The following SUCNR1 variants were observed in gnomAD, a reference collection of about 807,000 sequenced individuals.
SUCNR1 encodes succinate receptor 1, also known as G-protein coupled receptor 91.
SUCNR1 carries 5 observed loss-of-function variants against 2.4 expected under a neutral mutation model. That is an observed-to-expected ratio of 2.07 (90% CI 1.08 to 4.36). The LOEUF is 4.36. SUCNR1 is among the 30% of genes most tolerant of loss of function. The probability of loss-of-function intolerance (pLI) is 0.00; values close to 1 mark genes in which losing one functional copy is unlikely to be tolerated. For missense variants in SUCNR1, 373 were observed against 399.2 expected, an observed-to-expected ratio of 0.93 and a Z score of 0.56; for synonymous variants, 162 against 143.9, an observed-to-expected ratio of 1.13 and a Z score of -0.90.
chr3:151,882,187 G>A lies in SUCNR1; in HGVS notation c.*639G>A, dbSNP rs1221376553. The A allele has an allele frequency of 6.6e-6, 1 of 152,030 alleles. No homozygotes were observed. The highest frequency in any genetic ancestry group is 6.6e-5 in the Admixed American group (1 of 15,258). 9.4% of individuals were successfully genotyped at this position (152,030 alleles called of 1,614,324 possible). ...AACCTGAAGAGATAATTCAACAAAA[G>A]TAGAGAATATGTTTGAGCTTGTCAG... is the stretch of plus-strand genomic sequence containing the variant. On this transcript the variant is annotated 3_prime_UTR_variant, in exon 3 of 3. Coordinates refer to ENST00000362032, the MANE Select transcript of SUCNR1 (RefSeq NM_033050.6).
At chr3:151,877,684 G>C (rs896757667) in intron 1 of SUCNR1, among the ~76,000 whole-genome samples, 2 of 152,260 alleles carry the variant, frequency 1.3e-5, no homozygotes, top group African/African-American at 4.8e-5. Flanking sequence ...TATGCTGCAG[G>C]CTTGGTAAGG....
intron 1 of SUCNR1, among the ~76,000 whole-genome samples, chr3:151,879,554 T>A (rs1299263311): frequency 6.6e-6 from 1 of 152,198 alleles, no homozygotes; most frequent in Non-Finnish European, 1.5e-5. Context: ...AGACACCAAA[T>A]CTGCTGATAC....
rs1281755726 is a variant in SUCNR1, at chr3:151,883,155, A to G, written c.*1607A>G. On this transcript the variant is annotated 3_prime_UTR_variant, in exon 3 of 3. Coordinates refer to ENST00000362032, the MANE Select transcript of SUCNR1 (RefSeq NM_033050.6). ...ACCAGGCTTTAAGATATTTTCTGCC[A>G]TGCCTTGCCTTTAGTATCAATATTT... The G allele has an allele frequency of 2.0e-5, 3 of 152,006 alleles. No individual in the cohort carries two copies. The highest frequency in any genetic ancestry group is 4.4e-5 in the Non-Finnish European group (3 of 67,896). The allele number at this position is 152,006 out of a possible 1,614,324, so 9.4% of individuals were successfully genotyped here. A position where few individuals can be genotyped will look rare whatever the true frequency, so the allele number is the denominator to read the frequency against.
Position 151,880,940 on chromosome 3 carries a change from C to T in SUCNR1, c.397C>T (p.Leu133=), listed in dbSNP as rs1278467438. ...TAAGTATCCTTTCCGAGAACACCTT[C>T]TGCAAAAGAAAGAGTTTGCTATTTT... ...IIKYPFREHL[L]QKKEFAILIS... Residue 133 remains leucine (L), a synonymous_variant, in exon 3 of 3, where the codon CTG becomes TTG. Coordinates refer to ENST00000362032, the MANE Select transcript of SUCNR1 (RefSeq NM_033050.6). 3.1e-6 allele frequency: 5 copies of T among 1,613,906 alleles called. No homozygotes were observed. The highest frequency in any genetic ancestry group is 4.2e-6 in the Non-Finnish European group (5 of 1,180,004).
chr3:151,881,934 T>G lies in SUCNR1; in HGVS notation c.*386T>G, dbSNP rs73018440. The G allele has an allele frequency of 0.047, 7,569 of 162,036 alleles. 496 individuals are homozygous for G. The highest frequency in any genetic ancestry group is 0.15 in the African/African-American group (6,169 of 41,674). The allele number at this position is 162,036 out of a possible 1,614,324, so 10.0% of individuals were successfully genotyped here. Reference sequence around the variant, plus strand: ...ATTCACATGATCCTAGAACTTTATGTGAGAACTGAATAGCAGAAGATATAT... The same window carrying G: ...ATTCACATGATCCTAGAACTTTATGGGAGAACTGAATAGCAGAAGATATAT... On this transcript the variant is annotated 3_prime_UTR_variant, in exon 3 of 3. Transcript: ENST00000362032.
chr3:151,880,725 A>C lies in SUCNR1; in HGVS notation c.182A>C (p.Tyr61Ser), dbSNP rs757534883. ...AAGAACTGGAACAGCAGTAATATTTATCTCTTTAACCTCTCTGTCTCTGAC... is the reference window on the plus strand; with the variant it reads ...AAGAACTGGAACAGCAGTAATATTTCTCTCTTTAACCTCTCTGTCTCTGAC... ...SLKNWNSSNI[Y>S]LFNLSVSDLA... Residue 61 changes from tyrosine to serine, a missense_variant, in exon 3 of 3, where the codon TAT (tyrosine) becomes TCT (serine). By Grantham distance (144) the Tyr-to-Ser change is moderately radical. Coordinates refer to ENST00000362032, the MANE Select transcript of SUCNR1 (RefSeq NM_033050.6). 9.3e-6 allele frequency: 15 copies of C among 1,613,978 alleles called. No individual in the cohort carries two copies. In the South Asian group the frequency reaches 1.6e-4, roughly 18 times the overall value.
Position 151,882,133 on chromosome 3 carries a change from G to A in SUCNR1, c.*585G>A, listed in dbSNP as rs1479739165. 6.6e-6 allele frequency: 1 copy of A among 152,088 alleles called. No individual in the cohort carries two copies. Among genetic ancestry groups the A allele is most frequent in the Non-Finnish European group, 1.5e-5 (1 of 68,014 alleles). The allele number at this position is 152,088 out of a possible 1,614,324, so 9.4% of individuals were successfully genotyped here. ...AACCTTTTTGTTGTATGGGTTTATA[G>A]TGGAAAGAATCTTAATTTAAATAAA... On this transcript the variant is annotated 3_prime_UTR_variant, in exon 3 of 3. Transcript: ENST00000362032.
chr3:151,877,031 C>T (rs1298945525), intron 1 of SUCNR1, among the ~76,000 whole-genome samples: 1 of 152,066 alleles, frequency 6.6e-6, no homozygotes, highest in Non-Finnish European at 1.5e-5. Flanking sequence ...GTCAGACAGC[C>T]TACCTTGGGA....
chr3:151,881,491 C>T lies in SUCNR1; in HGVS notation c.948C>T (p.Ser316=), dbSNP rs1400625702. 6.2e-7 allele frequency: 1 copy of T among 1,613,522 alleles called. No individual in the cohort carries two copies. The highest frequency in any genetic ancestry group is 1.7e-5 in the Admixed American group (1 of 59,952). Residue 316 remains serine, a synonymous_variant, in exon 3 of 3, where the codon TCC becomes TCT. Coordinates refer to ENST00000362032, the MANE Select transcript of SUCNR1 (RefSeq NM_033050.6). ...LMNQLRHNFK[S]LTSFSRWAHE... Reference sequence around the variant, plus strand: ...ATCAACTGAGACACAACTTCAAATCCCTTACATCCTTTAGCAGATGGGCTC... The same window carrying T: ...ATCAACTGAGACACAACTTCAAATCTCTTACATCCTTTAGCAGATGGGCTC...
In SUCNR1 at chr3:151,883,494, ATATATATATATG is replaced by A. The variant is rs202143797; in HGVS notation, c.*1949_*1960del. ...TATATATATATATATATATATATAT[ATATATATATATG>A]TACCTTGTAAACAAGAGGTTAAGAA... On this transcript the variant is annotated 3_prime_UTR_variant, in exon 3 of 3. Coordinates refer to ENST00000362032, the MANE Select transcript of SUCNR1 (RefSeq NM_033050.6). 0.018 allele frequency: 2,365 copies of A among 128,294 alleles called. 69 individuals carry two copies. The highest frequency in any genetic ancestry group is 0.057 in the African/African-American group (2,044 of 35,892). The allele number at this position is 128,294 out of a possible 1,614,324, so 7.9% of individuals were successfully genotyped here. A position where few individuals can be genotyped will look rare whatever the true frequency, so the allele number is the denominator to read the frequency against.
intron 1 of SUCNR1, among the ~76,000 whole-genome samples, chr3:151,875,866 T>C (rs371549482): frequency 6.6e-6 from 1 of 152,188 alleles, no homozygotes; most frequent in Admixed American, 6.5e-5. Context: ...AGCAGAATGC[T>C]CCTTGACTTT....
chr3:151,881,200 G>A lies in SUCNR1; in HGVS notation c.657G>A (p.Arg219=), dbSNP rs1718085554. ...KIALFLKQRN[R]QVATALPLEK... The stretch of plus-strand genomic sequence containing the variant: ...CTCTCTTCCTAAAGCAGAGGAATAG[G>A]CAGGTTGCTACTGCTCTGCCCCTTG... The change falls in exon 3 of 3, where the codon AGG becomes AGA. Residue 219 remains arginine, a synonymous_variant. Coordinates refer to ENST00000362032, the MANE Select transcript of SUCNR1 (RefSeq NM_033050.6). The A allele has an allele frequency of 6.2e-7, 1 of 1,614,032 alleles. No individual in the cohort carries two copies. The highest frequency in any genetic ancestry group is 1.1e-5 in the South Asian group (1 of 91,086).
Position 151,881,148 on chromosome 3 carries a change from T to C in SUCNR1, c.605T>C (p.Val202Ala). ...TLLGFLIPLF[V>A]MCFFYYKIAL... is the part of the protein sequence containing the mutation. ...TTGGGGTTCCTTATTCCTCTTTTTG[T>C]GATGTGTTTCTTTTATTACAAGATT... The change falls in exon 3 of 3, where the codon GTG becomes GCG. Residue 202 changes from valine (V) to alanine (A), a missense_variant. By Grantham distance (64) the Val-to-Ala change is moderately conservative. Transcript: ENST00000362032. The C allele has an allele frequency of 6.2e-7, 1 of 1,614,136 alleles. No homozygotes were observed. The highest frequency in any genetic ancestry group is 8.5e-7 in the Non-Finnish European group (1 of 1,180,024).
chr3:151,883,660 T>C lies in SUCNR1; in HGVS notation c.*2112T>C, dbSNP rs917464997. The C allele has an allele frequency of 2.6e-5, 4 of 151,752 alleles. No individual in the cohort carries two copies. Among genetic ancestry groups the C allele is most frequent in the Non-Finnish European group, 2.9e-5 (2 of 67,884 alleles). The allele number at this position is 151,752 out of a possible 1,614,324, so 9.4% of individuals were successfully genotyped here. A position where few individuals can be genotyped will look rare whatever the true frequency, so the allele number is the denominator to read the frequency against. On this transcript the variant is annotated 3_prime_UTR_variant, in exon 3 of 3. Transcript: ENST00000362032. ...TTCATTTGCTTGTTGTACTGGGTAA[T>C]TGTAAGAATCACAAACAATAAATCA...
chr3:151,873,680 C>T lies in SUCNR1; in HGVS notation c.-68C>T, dbSNP rs1717814292. On this transcript the variant is annotated 5_prime_UTR_variant, in exon 1 of 3. Transcript: ENST00000362032. Reference sequence around the variant, plus strand: ...ATCCAGCTGCTGGCAGAGTTCCTGTCAAGGGATCAAGTCTTCCAACAGAAT... The same window carrying T: ...ATCCAGCTGCTGGCAGAGTTCCTGTTAAGGGATCAAGTCTTCCAACAGAAT... The T allele has an allele frequency of 6.6e-6, 1 of 152,554 alleles. No individual in the cohort carries two copies. Among genetic ancestry groups the T allele is most frequent in the East Asian group, 1.9e-4 (1 of 5,194 alleles). 9.5% of individuals were successfully genotyped at this position (152,554 alleles called of 1,614,324 possible).
At chr3:151,874,760 T>C (rs1488174803) in intron 1 of SUCNR1, among the ~76,000 whole-genome samples, 1 of 152,124 alleles carries the variant, frequency 6.6e-6, no homozygotes, top group Non-Finnish European at 1.5e-5. Context: ...AAGTTACAAA[T>C]GTTAAATTAT....
intron 1 of SUCNR1, among the ~76,000 whole-genome samples, chr3:151,874,246 C>T (rs1194828364): frequency 6.8e-6 from 1 of 146,196 alleles, no homozygotes; most frequent in Non-Finnish European, 1.5e-5. Context: ...CATGTGTTGG[C>T]TCACTGCAAC....
In SUCNR1 at chr3:151,880,829, A is replaced by G; in HGVS notation, c.286A>G (p.Ile96Val). The G allele has an allele frequency of 6.2e-7, 1 of 1,614,194 alleles. No individual in the cohort carries two copies. Among genetic ancestry groups the G allele is most frequent in the East Asian group, 2.2e-5 (1 of 44,880 alleles). The change falls in exon 3 of 3, where the codon ATA (isoleucine) becomes GTA (valine). Residue 96 changes from isoleucine (I) to valine (V), a missense_variant. Transcript: ENST00000362032. ...CTGGATATATGGAGACGTGCTCTGCATAAGCAACCGATATGTGCTTCATGC... is the reference window on the plus strand; with the variant it reads ...CTGGATATATGGAGACGTGCTCTGCGTAAGCAACCGATATGTGCTTCATGC... ...GNWIYGDVLC[I>V]SNRYVLHANL...
rs1200819724 is a variant in SUCNR1 at position 151,881,900 on chromosome 3, GTTAT to G, written c.*354_*357del. On this transcript the variant is annotated 3_prime_UTR_variant, in exon 3 of 3. Coordinates refer to ENST00000362032, the MANE Select transcript of SUCNR1 (RefSeq NM_033050.6). ...AAATTGTTTTGGCAACATTCTCTAT[GTTAT>G]TCTTATTCACATGATCCTAGAACTT... 2 of 178,198 alleles carry G rather than the reference GTTAT, an allele frequency of 1.1e-5. No individual in the cohort carries two copies. The highest frequency in any genetic ancestry group is 4.8e-5 in the African/African-American group (2 of 41,954). The allele number at this position is 178,198 out of a possible 1,614,324, so 11.0% of individuals were successfully genotyped here. A position where few individuals can be genotyped will look rare whatever the true frequency, so the allele number is the denominator to read the frequency against.
Sources: gnomAD v4.1 joint callset for allele counts (sites outside exome capture counted in the v4.1 genomes callset) on GRCh38, gnomAD v4.1.1 for gene constraint, MANE v1.5 for transcripts, NCBI Gene and HGNC (gene_info 2026-07-23, HGNC 2026-07-21) for gene names.